ZSCAN25: variants seen among roughly 807,000 people sequenced by gnomAD.
ZSCAN25 encodes the protein zinc finger and SCAN domain containing 25.
In ZSCAN25, 27 loss-of-function variants were observed where a neutral mutation model predicts 38.7. The ratio of observed to expected loss-of-function variants is 0.70; its 90% CI spans 0.51 to 0.96. ZSCAN25 has a LOEUF of 0.96. ZSCAN25 is among the 40% of genes least tolerant of loss of function. The pLI is 0.00. For missense variants in ZSCAN25, 637 were observed against 705.9 expected (o/e 0.90, Z 1.11); for synonymous variants, 273 against 277.7 (o/e 0.98, Z 0.17).
the ZSCAN25 span, among the ~76,000 whole-genome samples, chr7:99,697,452 T>C: frequency 4.6e-5 from 7 of 152,318 alleles, no homozygotes; most frequent in South Asian, 4.1e-4. Flanking sequence ...TAGGAAAATG[T>C]GGCTGAAAAG....
chr7:99,710,657 T>G, the ZSCAN25 span: 1 of 1,609,380 alleles, frequency 6.2e-7, no homozygotes, highest in Non-Finnish European at 8.5e-7. Flanking sequence ...ATAAAAATTC[T>G]CCTGGGAAGT....
chr7:99,695,943 A>T, the ZSCAN25 span: 1 of 886,010 alleles, frequency 1.1e-6, no homozygotes, highest in East Asian at 2.6e-5. Flanking sequence ...AGAAGGAGGT[A>T]ACATTAAGGC....
rs1355884281 is a variant in ZSCAN25, at chr7:99,621,410, C to T, written c.425C>T (p.Ala142Val). 11 of 1,503,096 alleles carry T rather than the reference C, an allele frequency of 7.3e-6. No homozygotes were observed. Among genetic ancestry groups the T allele is most frequent in the Non-Finnish European group, 9.0e-6 (10 of 1,116,522 alleles). The allele number at this position is 1,503,096 out of a possible 1,614,324, so 93.1% of individuals were successfully genotyped here. A position where few individuals can be genotyped will look rare whatever the true frequency, so the allele number is the denominator to read the frequency against. The change falls in exon 5 of 8, where the codon GCA becomes GTA. Residue 142 changes from alanine (A) to valine (V), a missense_variant. Coordinates refer to ENST00000394152, the MANE Select transcript of ZSCAN25 (RefSeq NM_145115.3). ...AGGCAGGGAGAGCAGGAGGAAACAG[C>T]ACTTTGCAGAGGCGCTTGGGAGCCA... is the stretch of plus-strand genomic sequence containing the variant. ...CHRQGEQEET[A>V]LCRGAWEPGI... is the part of the protein sequence containing the mutation.
chr7:99,734,976 C>A, the ZSCAN25 span: 1 of 1,613,380 alleles, frequency 6.2e-7, no homozygotes, highest in Non-Finnish European at 8.5e-7. Flanking sequence ...CTGATTAGCA[C>A]CCCAAGTCCA....
chr7:99,727,244 A>G, the ZSCAN25 span, among the ~76,000 whole-genome samples: 1 of 152,196 alleles, frequency 6.6e-6, no homozygotes, highest in Non-Finnish European at 1.5e-5. Context: ...TTTTGTCCAA[A>G]CAACTTGACC....
chr7:99,634,826 C>A (rs919860268), downstream of ZSCAN25, among the ~76,000 whole-genome samples: 1 of 150,742 alleles, frequency 6.6e-6, no homozygotes, highest in East Asian at 1.9e-4. Context: ...ATTAGCCAAG[C>A]GTGGTGGCAG....
At chr7:99,695,306 A>G in the ZSCAN25 span, among the ~76,000 whole-genome samples, 1 of 152,192 alleles carries the variant, frequency 6.6e-6, no homozygotes, top group South Asian at 2.1e-4. Context: ...TCCAGGAGGT[A>G]GGGGAAAAAG....
the ZSCAN25 span, chr7:99,705,399 G>T: frequency 7.6e-7 from 1 of 1,313,474 alleles, no homozygotes; most frequent in Non-Finnish European, 1.1e-6. Context: ...ATTGGATGAA[G>T]CCCGTCTTCA....
At chr7:99,722,506 G>A in the ZSCAN25 span, among the ~76,000 whole-genome samples, 2 of 152,186 alleles carry the variant, frequency 1.3e-5, no homozygotes, top group East Asian at 1.9e-4. Context: ...AAACAAAATA[G>A]AGGAGGTATT....
chr7:99,720,218 C>T, the ZSCAN25 span: 1 of 1,504,416 alleles, frequency 6.6e-7, no homozygotes, highest in Non-Finnish European at 9.1e-7. Context: ...CCTTCCTGCA[C>T]AGTTTTTAGG....
the ZSCAN25 span, chr7:99,650,209 A>C: frequency 2.5e-6 from 4 of 1,613,906 alleles, no homozygotes; most frequent in Non-Finnish European, 3.4e-6. Context: ...GTAAGGATCT[A>C]TGCTGTCCTT....
chr7:99,720,574 A>T, the ZSCAN25 span: 1 of 723,796 alleles, frequency 1.4e-6, no homozygotes, highest in South Asian at 1.9e-5. Flanking sequence ...TCACAGCAAG[A>T]GTCTGACACA....
At chr7:99,687,622 C>T in the ZSCAN25 span, among the ~76,000 whole-genome samples, 1 of 152,096 alleles carries the variant, frequency 6.6e-6, no homozygotes, top group Non-Finnish European at 1.5e-5. Context: ...GGAGAACTTC[C>T]CCAATCTAGC....
chr7:99,624,290 G>A, intron 7 of ZSCAN25, 110 bp downstream of exon 7: 2 of 1,474,414 alleles, frequency 1.4e-6, no homozygotes, highest in Non-Finnish European at 1.9e-6. Context: ...CTTCATGGCA[G>A]GCGGGTAAAT....
the ZSCAN25 span, among the ~76,000 whole-genome samples, chr7:99,712,357 C>G: frequency 6.6e-6 from 1 of 152,162 alleles, no homozygotes; most frequent in Non-Finnish European, 1.5e-5. Context: ...TGATGTGAAA[C>G]CAAACTATAA....
the ZSCAN25 span, among the ~76,000 whole-genome samples, chr7:99,726,936 C>G: frequency 2.0e-5 from 3 of 152,328 alleles, no homozygotes; most frequent in East Asian, 5.8e-4. Context: ...AACCCCAACC[C>G]CTTCTACAAA....
At chr7:99,645,428 G>A in the ZSCAN25 span, among the ~76,000 whole-genome samples, 2 of 152,132 alleles carry the variant, frequency 1.3e-5, no homozygotes, top group Non-Finnish European at 2.9e-5. Context: ...GAACATATGT[G>A]TGCATGTGTC....
the ZSCAN25 span, among the ~76,000 whole-genome samples, chr7:99,725,178 C>T: frequency 6.6e-6 from 1 of 152,174 alleles, no homozygotes; most frequent in African/African-American, 2.4e-5. Flanking sequence ...GAAAACCCAG[C>T]CCAGTTCATG....
chr7:99,662,834 C>G, the ZSCAN25 span: 1 of 1,613,996 alleles, frequency 6.2e-7, no homozygotes, highest in African/African-American at 1.3e-5. The surrounding 1 kb of genome is among the most constrained non-coding windows in gnomAD (Gnocchi z 4.3). Flanking sequence ...GACTCAGTTT[C>G]TTTCGAATTC....
Sources: allele counts gnomAD v4.1 joint callset (sites outside exome capture counted in the v4.1 genomes callset), GRCh38; gene constraint gnomAD v4.1.1; non-coding constraint Gnocchi (gnomAD v3.1); transcripts MANE v1.5; gene names NCBI Gene and HGNC (gene_info 2026-07-23, HGNC 2026-07-21).